OSBPL9: variants seen among roughly 807,000 people sequenced by gnomAD.
The protein encoded by OSBPL9 is oxysterol-binding protein-related protein 9.
OSBPL9 carries 40 observed loss-of-function variants against 106.6 expected under a neutral mutation model. That is an observed-to-expected ratio of 0.38 (90% CI 0.29 to 0.49). OSBPL9 has a LOEUF of 0.49. Ranked by LOEUF, OSBPL9 falls within the 20% of genes least tolerant of loss-of-function variation. The pLI is 0.97. For missense variants in OSBPL9, 609 were observed against 887.2 expected (o/e 0.69, Z 3.98); for synonymous variants, 269 against 295.4 (o/e 0.91, Z 0.92).
At chr1:51,533,220 G>A in the OSBPL9 span, among the ~76,000 whole-genome samples, 26 of 152,170 alleles carry the variant, frequency 1.7e-4, no homozygotes, top group South Asian at 2.1e-4. Flanking sequence ...AGTGGCTCAC[G>A]CCTGTAATCC....
intron 3 of OSBPL9, among the ~76,000 whole-genome samples, chr1:51,691,911 C>G (rs755040843): frequency 1.3e-5 from 2 of 152,062 alleles, no homozygotes; most frequent in Admixed American, 6.6e-5. Flanking sequence ...GCTATCATCT[C>G]CTATGATAAC....
intron 1 of OSBPL9, among the ~76,000 whole-genome samples, chr1:51,640,388 T>C (rs1343743743): frequency 6.6e-6 from 1 of 152,252 alleles, no homozygotes; most frequent in African/African-American, 2.4e-5. Context: ...ACTAATCTTC[T>C]AAAAGCTTGC....
chr1:51,558,697 G>T, the OSBPL9 span, among the ~76,000 whole-genome samples: 1 of 152,160 alleles, frequency 6.6e-6, no homozygotes, highest in East Asian at 1.9e-4. Context: ...AATTTTCGGA[G>T]AGGCTAATAT....
chr1:51,664,353 C>A (rs1185253621), intron 2 of OSBPL9, among the ~76,000 whole-genome samples: 2 of 151,984 alleles, frequency 1.3e-5, no homozygotes, highest in African/African-American at 4.8e-5. Flanking sequence ...ATGAAAGAAG[C>A]CAGACACAAA....
intron 1 of OSBPL9, among the ~76,000 whole-genome samples, chr1:51,591,100 A>C (rs1645273208): frequency 6.6e-6 from 1 of 151,930 alleles, no homozygotes; most frequent in African/African-American, 2.4e-5. Context: ...TTGTATTTTT[A>C]GTAGAGATGG....
intron 1 of OSBPL9, among the ~76,000 whole-genome samples, chr1:51,633,369 A>C (rs143433150): frequency 0.012 from 1,803 of 151,604 alleles, 38 homozygotes; most frequent in African/African-American, 0.042. Context: ...CAGGTGTTCA[A>C]GACCAGCCTG....
intron 4 of OSBPL9, among the ~76,000 whole-genome samples, chr1:51,726,775 TC>T (rs1388612678): frequency 6.6e-6 from 1 of 152,246 alleles, no homozygotes; most frequent in African/African-American, 2.4e-5. Flanking sequence ...TTTTCCTTTT[TC>T]AACTCATAAT....
intron 2 of OSBPL9, among the ~76,000 whole-genome samples, chr1:51,602,703 C>T (rs1311213064): frequency 2.6e-5 from 4 of 152,154 alleles, no homozygotes; most frequent in Admixed American, 2.0e-4. Context: ...GCCTCTGCCT[C>T]CCAAACTGGT....
chr1:51,664,441 A>C (rs1454031157), intron 2 of OSBPL9, among the ~76,000 whole-genome samples: 2 of 152,204 alleles, frequency 1.3e-5, no homozygotes, highest in Non-Finnish European at 2.9e-5. Context: ...CTGTAATCCC[A>C]GCACTTTGAG....
intron 4 of OSBPL9, chr1:51,724,837 G>A (rs573832564): frequency 3.8e-6 from 1 of 264,848 alleles, no homozygotes; most frequent in Non-Finnish European, 7.4e-6. Flanking sequence ...GGTTTATGGA[G>A]ACTTCCTTTA....
chr1:51,646,515 G>T (rs1330491789), intron 1 of OSBPL9, among the ~76,000 whole-genome samples: 1 of 152,016 alleles, frequency 6.6e-6, no homozygotes, highest in Non-Finnish European at 1.5e-5. Flanking sequence ...TTTGTTTTTG[G>T]TGTGGATTCC....
chr1:51,611,692 C>A (rs1390284896), intron 2 of OSBPL9, among the ~76,000 whole-genome samples: 2 of 152,204 alleles, frequency 1.3e-5, no homozygotes, highest in African/African-American at 4.8e-5. Flanking sequence ...ACAAAACAGG[C>A]CAGGCACAGT....
chr1:51,735,247 C>A (rs116181683), intron 4 of OSBPL9, among the ~76,000 whole-genome samples: 1 of 152,178 alleles, frequency 6.6e-6, no homozygotes, highest in South Asian at 2.1e-4. Flanking sequence ...GTCCACTGGC[C>A]GGTGGGAACC....
At chr1:51,743,237 A>T (rs985291401) in intron 4 of OSBPL9, among the ~76,000 whole-genome samples, 1 of 152,180 alleles carries the variant, frequency 6.6e-6, no homozygotes, top group Non-Finnish European at 1.5e-5. Context: ...CCTAAAGAAA[A>T]ATGGATTGAT....
chr1:51,649,272 A>G (rs992275864), intron 1 of OSBPL9, among the ~76,000 whole-genome samples: 2 of 151,918 alleles, frequency 1.3e-5, no homozygotes, highest in Non-Finnish European at 2.9e-5. Flanking sequence ...ATGCCCAGCT[A>G]ATTTTTGTAT....
chr1:51,606,754 A>T (rs1407368554), intron 2 of OSBPL9, among the ~76,000 whole-genome samples: 3 of 152,214 alleles, frequency 2.0e-5, no homozygotes, highest in Non-Finnish European at 4.4e-5. Context: ...ACTTGTAGAA[A>T]ATTTGGAAAA....
chr1:51,645,386 A>G (rs1646087949), intron 1 of OSBPL9, among the ~76,000 whole-genome samples: 2 of 151,966 alleles, frequency 1.3e-5, no homozygotes, highest in South Asian at 4.1e-4. Flanking sequence ...TATTCTCGAT[A>G]CTATACCCCT....
At chr1:51,711,121 C>T (rs1179711374) in intron 3 of OSBPL9, among the ~76,000 whole-genome samples, 3 of 151,872 alleles carry the variant, frequency 2.0e-5, no homozygotes, top group South Asian at 2.1e-4. Flanking sequence ...CACACAGACA[C>T]GGCAACCATC....
intron 3 of OSBPL9, among the ~76,000 whole-genome samples, chr1:51,675,486 A>G (rs1332303364): frequency 1.3e-5 from 2 of 152,122 alleles, no homozygotes; most frequent in African/African-American, 2.4e-5. Context: ...TATGGGCTAG[A>G]TAAAACCTTT....
Sources: gnomAD v4.1 joint callset for allele counts (sites outside exome capture counted in the v4.1 genomes callset) on GRCh38, gnomAD v4.1.1 for gene constraint, MANE v1.5 for transcripts, NCBI Gene and HGNC (gene_info 2026-07-23, HGNC 2026-07-21) for gene names.